RGPD1: variants seen among roughly 807,000 people sequenced by gnomAD.
RGPD1 encodes RANBP2 like and GRIP domain containing 1.
Under a neutral mutation model 40.6 loss-of-function variants are expected in RGPD1, and 7 were observed. The ratio of observed to expected loss-of-function variants is 0.17; its 90% CI spans 0.10 to 0.32. The LOEUF (loss-of-function observed/expected upper bound fraction) is 0.32, where lower values mean the gene tolerates loss of function less well. Ranked by LOEUF, RGPD1 falls within the 10% of genes least tolerant of loss-of-function variation. The pLI is 1.00. For synonymous variants in RGPD1, 24 were observed against 167.0 expected (o/e 0.14, Z 6.60); for missense variants, 50 against 472.5 (o/e 0.11, Z 8.29).
chr2:86,930,656 G>A, intron 1 of RGPD1: 1 of 1,611,284 alleles, frequency 6.2e-7, no homozygotes, highest in Non-Finnish European at 8.5e-7. Context: ...GGTAGGGCTG[G>A]TTGTTCACTC....
chr2:86,941,686 C>T (rs1308650959), upstream of RGPD1, among the ~76,000 whole-genome samples: 9 of 150,902 alleles, frequency 6.0e-5, no homozygotes, highest in East Asian at 3.9e-4. Flanking sequence ...GTGTTCCACC[C>T]GCAGGACTGA....
In RGPD1 at chr2:86,913,817, T is replaced by G; in HGVS notation, c.-33T>G. The G allele has an allele frequency of 3.2e-6, 5 of 1,544,778 alleles. 1 individual carries two copies. The highest frequency in any genetic ancestry group is 2.4e-4 in the Middle Eastern group (1 of 4,216). ...GACTGCTGCGGGGCTGAGCGCTGGT[T>G]TCACGCGTCTCGGGAGCCAGGTTGG... On this transcript the variant is annotated 5_prime_UTR_variant, in exon 1 of 23. Coordinates refer to the RGPD1 transcript ENST00000398193.
At chr2:86,926,049 AG>A (rs1414463171) in intron 1 of RGPD1, among the ~76,000 whole-genome samples, 1 of 152,306 alleles carries the variant, frequency 6.6e-6, no homozygotes, top group Non-Finnish European at 1.5e-5. Context: ...TGTAGAATGT[AG>A]TAGAGGACTT....
At chr2:86,944,801 G>A (rs1435872843) in intron 1 of RGPD1, among the ~76,000 whole-genome samples, 1 of 152,080 alleles carries the variant, frequency 6.6e-6, no homozygotes, top group Admixed American at 6.6e-5. Flanking sequence ...TTGACGTCCT[G>A]GGCTCAATCC....
Position 87,008,856 on chromosome 2 carries a change from CAGTG to C in RGPD1, c.5237-3654_5237-3651del, listed in dbSNP as rs1321131777. ...GAATGGATATGGCCAATGAAAGAAT[CAGTG>C]AGCTCAAAGAGATGTCAATAGATAC... On this transcript the variant is annotated intron_variant, in intron 22 of 22. Transcript: ENST00000641458. 7.0e-5 allele frequency among the ~76,000 whole-genome samples: 4 copies of C among 57,102 alleles called. No homozygotes were observed. In the Admixed American group the frequency reaches 8.6e-4, roughly 12 times the overall value. 37.5% of individuals were successfully genotyped at this position (57,102 alleles called of 152,430 possible).
intron 22 of RGPD1, among the ~76,000 whole-genome samples, chr2:87,000,337 C>T (rs977822552): frequency 1.0e-4 from 13 of 125,442 alleles, no homozygotes; most frequent in East Asian, 4.2e-4. Context: ...TTAATGTAGA[C>T]GTTGCTAACG....
chr2:86,937,173 A>G (rs1679412285), upstream of RGPD1, among the ~76,000 whole-genome samples: 2 of 102,506 alleles, frequency 2.0e-5, no homozygotes, highest in Admixed American at 8.2e-5. Context: ...TTTTTGTGCC[A>G]TCAGTGAAAT....
intron 6 of RGPD1, 130 bp from the exon 7 acceptor site, chr2:86,962,897 AAG>A (rs1165425625): frequency 1.2e-4 from 1 of 8,564 alleles, no homozygotes; most frequent in Non-Finnish European, 2.5e-4. Context: ...CATGGGGAAT[AAG>A]AATTATTAGA....
chr2:86,954,716 C>G (rs1295954982), intron 4 of RGPD1, among the ~76,000 whole-genome samples: 1 of 147,602 alleles, frequency 6.8e-6, no homozygotes, highest in African/African-American at 2.5e-5. Context: ...TTTAACCCGA[C>G]CAAAGCACAA....
upstream of RGPD1, among the ~76,000 whole-genome samples, chr2:86,940,942 ATC>A (rs1383845849): frequency 6.6e-6 from 1 of 152,218 alleles, no homozygotes; most frequent in Admixed American, 6.5e-5. Flanking sequence ...GCTCAGAATC[ATC>A]TTTTTCTTTT....
chr2:86,960,191 A>G (rs1680877461), intron 6 of RGPD1, among the ~76,000 whole-genome samples: 1 of 100,716 alleles, frequency 9.9e-6, no homozygotes, highest in Non-Finnish European at 1.9e-5. Context: ...ACCCTGAGGA[A>G]GATAAAAAGC....
chr2:86,915,287 G>A (rs769667541), intron 1 of RGPD1, among the ~76,000 whole-genome samples: 2 of 151,038 alleles, frequency 1.3e-5, no homozygotes, highest in East Asian at 2.0e-4. Context: ...TAGAGTTAGG[G>A]TTAGGGTTAG....
intron 6 of RGPD1, among the ~76,000 whole-genome samples, chr2:86,960,523 C>T (rs1191165854): frequency 9.2e-6 from 1 of 108,846 alleles, no homozygotes; most frequent in East Asian, 2.4e-4. Context: ...CCGCGCTCAG[C>T]CCACACCTGG....
chr2:87,007,742 A>G (rs1171873820), intron 22 of RGPD1, among the ~76,000 whole-genome samples: 3 of 152,080 alleles, frequency 2.0e-5, no homozygotes, highest in African/African-American at 7.2e-5. Context: ...GTAATGTATT[A>G]CAAACTAAAG....
intron 1 of RGPD1, among the ~76,000 whole-genome samples, chr2:86,918,167 A>G (rs987264596): frequency 1.3e-5 from 2 of 151,176 alleles, no homozygotes; most frequent in African/African-American, 4.9e-5. Context: ...TTAGCCGAGT[A>G]CTATACCATC....
chr2:86,929,573 C>G (rs1202718786), intron 1 of RGPD1, among the ~76,000 whole-genome samples: 4 of 148,760 alleles, frequency 2.7e-5, no homozygotes, highest in Non-Finnish European at 4.5e-5. Context: ...GAAATAGGTC[C>G]TATTATTAGG....
At chr2:86,997,179 A>G (rs1402977802) in intron 21 of RGPD1, among the ~76,000 whole-genome samples, 1 of 134,678 alleles carries the variant, frequency 7.4e-6, no homozygotes, top group African/African-American at 3.0e-5. Flanking sequence ...TATCTCATCT[A>G]CTTTTTCTCC....
intron 1 of RGPD1, among the ~76,000 whole-genome samples, chr2:86,916,463 ATT>A (rs1387800114): frequency 9.8e-6 from 1 of 102,544 alleles, no homozygotes; most frequent in Non-Finnish European, 2.0e-5. Flanking sequence ...TGTAGGCAGT[ATT>A]TTATATAAAT....
chr2:86,945,423 G>C (rs1680277015), intron 1 of RGPD1, among the ~76,000 whole-genome samples: 2 of 152,196 alleles, frequency 1.3e-5, no homozygotes, highest in Non-Finnish European at 2.9e-5. Flanking sequence ...GGCAGTGGCT[G>C]TGAAGAATAT....
Sources: gnomAD v4.1 joint callset for allele counts (sites outside exome capture counted in the v4.1 genomes callset) on GRCh38, gnomAD v4.1.1 for gene constraint, MANE v1.5 for transcripts, NCBI Gene and HGNC (gene_info 2026-07-23, HGNC 2026-07-21) for gene names.